Variants in CYRIA observed in about 807,000 individuals in gnomAD.
The protein encoded by CYRIA is CYFIP-related Rac1 interactor A.
Under a neutral mutation model 43.9 loss-of-function variants are expected in CYRIA, and 15 were observed. That is an observed-to-expected ratio of 0.34 (90% CI 0.23 to 0.53). The LOEUF (loss-of-function observed/expected upper bound fraction) is 0.53. Among genes scored for constraint, CYRIA ranks in the 20% least tolerant of loss-of-function variants. The pLI is 0.94. For missense variants in CYRIA, 236 were observed against 394.2 expected, an observed-to-expected ratio of 0.60 and a Z score of 3.40; for synonymous variants, 117 against 136.0, an observed-to-expected ratio of 0.86 and a Z score of 0.97.
At position 16,566,463 on chromosome 2, in the gene CYRIA, G is replaced by A. The variant is rs555494780; in HGVS notation, c.71-696C>T. On this transcript the variant is annotated intron_variant, in intron 3 of 11. Transcript: ENST00000381323. Reference sequence around the variant, plus strand: ...GGATAACTAAAATCCTTCAAACCACGACAGAGGCATATCATTCCTGAACAC... The same window carrying A: ...GGATAACTAAAATCCTTCAAACCACAACAGAGGCATATCATTCCTGAACAC... 4.5e-4 allele frequency among the ~76,000 whole-genome samples: 68 copies of A among 152,238 alleles called. 1 individual carries two copies. In the South Asian group the frequency reaches 0.012, roughly 27 times the overall value.
chr2:16,665,055 A>C (rs1670353759), intron 1 of CYRIA, among the ~76,000 whole-genome samples: 1 of 152,134 alleles, frequency 6.6e-6, no homozygotes, highest in African/African-American at 2.4e-5. Flanking sequence ...AGCTTGGAGG[A>C]GGACCCAGGG....
rs999083975 is a variant in CYRIA at position 16,549,762 on chromosome 2, T to C, written c.*3174A>G. On this transcript the variant is annotated 3_prime_UTR_variant, in exon 12 of 12. Transcript: ENST00000381323. ...TCTACTGCACAATTGGATCCTAAGA[T>C]TGGGAGGCTTAATTTTTCTTTGGGG... is the stretch of plus-strand genomic sequence containing the variant. 2.6e-5 allele frequency: 4 copies of C among 152,254 alleles called. No homozygotes were observed. The highest frequency in any genetic ancestry group is 4.8e-5 in the African/African-American group (2 of 41,570). The allele number at this position is 152,254 out of a possible 1,614,324, so 9.4% of individuals were successfully genotyped here.
chr2:16,561,146 C>A lies in CYRIA; in HGVS notation c.630+15G>T. ...AATTAAGGAAAAAAGCACCTCGTTG[C>A]TCAACTTCACTTACTTCAGAGACAA... is the stretch of plus-strand genomic sequence containing the variant. On this transcript the variant is annotated intron_variant, in intron 8 of 11. Transcript: ENST00000381323. 6.2e-7 allele frequency: 1 copy of A among 1,611,440 alleles called. No individual in the cohort carries two copies. The highest frequency in any genetic ancestry group is 1.7e-4 in the Middle Eastern group (1 of 6,054).
At chr2:16,658,297 C>T (rs1484200594) in intron 1 of CYRIA, among the ~76,000 whole-genome samples, 1 of 152,096 alleles carries the variant, frequency 6.6e-6, no homozygotes, top group Admixed American at 6.5e-5. Flanking sequence ...ACAAGTTTCA[C>T]GTCATTTCCC....
chr2:16,599,945 C>T (rs1382038766), intron 2 of CYRIA, among the ~76,000 whole-genome samples: 1 of 152,098 alleles, frequency 6.6e-6, no homozygotes, highest in East Asian at 1.9e-4. Flanking sequence ...TGAGTAGAGA[C>T]GGGTTTCACC....
intron 2 of CYRIA, among the ~76,000 whole-genome samples, chr2:16,591,288 G>GA: frequency 6.6e-6 from 1 of 152,230 alleles, no homozygotes; most frequent in Middle Eastern, 3.4e-3. Flanking sequence ...AGAAATAGAT[G>GA]AATTATAAGC....
At chr2:16,657,989 C>T (rs1369522462) in intron 1 of CYRIA, among the ~76,000 whole-genome samples, 1 of 151,994 alleles carries the variant, frequency 6.6e-6, no homozygotes, top group Non-Finnish European at 1.5e-5. Context: ...GCTTATGACC[C>T]CATTTATTAA....
In CYRIA at chr2:16,550,213, TG is replaced by T. The variant is rs1446329817; in HGVS notation, c.*2722del. On this transcript the variant is annotated 3_prime_UTR_variant, in exon 12 of 12. Transcript: ENST00000381323. ...ATATAGTTAACAATGACATTGACACTGTTGCTAGCACTTTCCCCTAAACCAC... is the reference window on the plus strand; with the variant it reads ...ATATAGTTAACAATGACATTGACACTTTGCTAGCACTTTCCCCTAAACCAC... The T allele has an allele frequency of 1.3e-5, 2 of 151,798 alleles. No individual in the cohort carries two copies. The highest frequency in any genetic ancestry group is 2.4e-5 in the African/African-American group (1 of 41,304). The allele number at this position is 151,798 out of a possible 1,614,324, so 9.4% of individuals were successfully genotyped here.
At chr2:16,613,231 T>A (rs1473994787) in intron 2 of CYRIA, among the ~76,000 whole-genome samples, 1 of 151,974 alleles carries the variant, frequency 6.6e-6, no homozygotes, top group Admixed American at 6.6e-5. Flanking sequence ...TTTTCAGGAG[T>A]GCATTTTCAG....
intron 9 of CYRIA, among the ~76,000 whole-genome samples, chr2:16,560,430 T>A (rs1488345550): frequency 6.6e-6 from 1 of 152,148 alleles, no homozygotes; most frequent in African/African-American, 2.4e-5. Context: ...GTCAGGCCAG[T>A]TATTTACAGG....
intron 5 of CYRIA, 27 bp from the exon 6 acceptor site, chr2:16,562,168 T>C (rs754509996): frequency 7.5e-6 from 12 of 1,596,550 alleles, no homozygotes; most frequent in Admixed American, 1.8e-5. Flanking sequence ...TAAATAGATA[T>C]GTTGGAGGTG....
chr2:16,620,810 C>T (rs1381898811), intron 2 of CYRIA, among the ~76,000 whole-genome samples: 1 of 152,168 alleles, frequency 6.6e-6, no homozygotes, highest in Non-Finnish European at 1.5e-5. Flanking sequence ...TTCCCCGAGG[C>T]ACAGTCCTTG....
At chr2:16,638,691 T>C (rs1722417) in intron 1 of CYRIA, among the ~76,000 whole-genome samples, 33,816 of 152,090 alleles carry the variant, frequency 0.22, 6,524 homozygotes, top group East Asian at 0.61. Flanking sequence ...TGTAAAGGAA[T>C]CTGCATTTTG....
At chr2:16,655,773 T>G (rs1231299146) in intron 1 of CYRIA, among the ~76,000 whole-genome samples, 1 of 152,152 alleles carries the variant, frequency 6.6e-6, no homozygotes, top group Non-Finnish European at 1.5e-5. Context: ...GCATTCTTGG[T>G]CTTTTTTTTT....
At chr2:16,614,155 A>G (rs1668699150) in intron 2 of CYRIA, among the ~76,000 whole-genome samples, 1 of 152,182 alleles carries the variant, frequency 6.6e-6, no homozygotes, top group Non-Finnish European at 1.5e-5. Flanking sequence ...GAGTCAGAAA[A>G]TACTCTGGAA....
intron 1 of CYRIA, among the ~76,000 whole-genome samples, chr2:16,627,962 G>A (rs1035433743): frequency 6.6e-6 from 1 of 152,192 alleles, no homozygotes; most frequent in Non-Finnish European, 1.5e-5. Context: ...CAGAGAGATG[G>A]AGCAGCTGGG....
chr2:16,602,518 G>T (rs958438670), intron 2 of CYRIA, among the ~76,000 whole-genome samples: 5 of 152,062 alleles, frequency 3.3e-5, no homozygotes, highest in Admixed American at 3.3e-4. Context: ...GTTATCATTG[G>T]ACCCATTTTA....
intron 2 of CYRIA, among the ~76,000 whole-genome samples, chr2:16,605,170 G>C (rs7594055): frequency 1.1e-3 from 174 of 151,652 alleles, no homozygotes; most frequent in Non-Finnish European, 1.7e-3. Flanking sequence ...GAACAATTAA[G>C]TGCAGGTTTA....
In CYRIA at chr2:16,559,620, C is replaced by T. The variant is rs1393389079; in HGVS notation, c.711-34G>A. The T allele has an allele frequency of 1.9e-6, 3 of 1,604,620 alleles. No homozygotes were observed. The South Asian group carries it at 3.3e-5, about 18-fold the overall frequency. On this transcript the variant is annotated intron_variant, in intron 9 of 11. Coordinates refer to ENST00000381323, the MANE Select transcript of CYRIA (RefSeq NM_030797.4). ...GAAGAAACAGCAGTGGCGTCACTTC[C>T]TTGTCAGAACATGTGCGTTCTTTGG...
Sources: gnomAD v4.1 joint callset for allele counts (sites outside exome capture counted in the v4.1 genomes callset) on GRCh38, gnomAD v4.1.1 for gene constraint, MANE v1.5 for transcripts, NCBI Gene and HGNC (gene_info 2026-07-23, HGNC 2026-07-21) for gene names.